SAE1: variants seen among roughly 807,000 people sequenced by gnomAD.
SAE1 encodes the protein SUMO-activating enzyme subunit 1.
In SAE1, 11 loss-of-function variants were observed where a neutral mutation model predicts 40.6. The observed-to-expected ratio is 0.27, with a 90% CI of 0.17 to 0.45. The LOEUF (loss-of-function observed/expected upper bound fraction) is 0.45. Ranked by LOEUF, SAE1 falls within the 20% of genes least tolerant of loss-of-function variation. SAE1 has a pLI of 1.00. For missense variants in SAE1, 373 were observed against 427.3 expected, an observed-to-expected ratio of 0.87 and a Z score of 1.12; for synonymous variants, 155 against 154.3, an observed-to-expected ratio of 1.00 and a Z score of -0.03.
chr19:47,202,729 T>G (rs1733606460), intron 7 of SAE1, among the ~76,000 whole-genome samples: 1 of 149,972 alleles, frequency 6.7e-6, no homozygotes, highest in Non-Finnish European at 1.5e-5. Context: ...CTGGCCAACA[T>G]GGTGAAACCC....
In SAE1 at chr19:47,135,019, T is replaced by A. The variant is rs112280226; in HGVS notation, c.98+3991T>A. Among the ~76,000 whole-genome samples, 1,080 of 152,106 alleles carry A rather than the reference T, an allele frequency of 7.1e-3. 10 individuals carry two copies. The highest frequency in any genetic ancestry group is 0.025 in the African/African-American group (1,043 of 41,472). Reference sequence around the variant, plus strand: ...GTTTTTTGTCCATTTTCAGCCGAGGTTTTTAGAAATTAAAAATTTTTTTGT... The same window carrying A: ...GTTTTTTGTCCATTTTCAGCCGAGGATTTTAGAAATTAAAAATTTTTTTGT... On this transcript the variant is annotated intron_variant, in intron 1 of 8. Coordinates refer to ENST00000270225, the MANE Select transcript of SAE1 (RefSeq NM_005500.3).
Position 47,203,880 on chromosome 19 carries a change from C to G in SAE1, c.948+140C>G, listed in dbSNP as rs1217318211. 5.3e-6 allele frequency: 4 copies of G among 750,218 alleles called. No individual in the cohort carries two copies. The East Asian group carries it at 1.1e-4, about 20-fold the overall frequency. 46.5% of individuals were successfully genotyped at this position (750,218 alleles called of 1,614,324 possible). On this transcript the variant is annotated intron_variant, in intron 8 of 8. Transcript: ENST00000270225. The stretch of plus-strand genomic sequence containing the variant: ...TGTTTCATGCCCTCCCCATTTCCAC[C>G]TCATCCCATTTTCTCTGGCCCATCC...
At chr19:47,147,201 T>TG in intron 2 of SAE1, among the ~76,000 whole-genome samples, 1 of 17,656 alleles carries the variant, frequency 5.7e-5, no homozygotes, top group South Asian at 1.0e-3. Context: ...GTGTATGGGT[T>TG]TTTTTTTTTT....
intron 2 of SAE1, among the ~76,000 whole-genome samples, chr19:47,148,128 C>A (rs1376136508): frequency 1.3e-5 from 2 of 152,044 alleles, no homozygotes; most frequent in African/African-American, 4.8e-5. Flanking sequence ...GAGGTTCACA[C>A]AGTTGTTGAG....
chr19:47,136,974 C>G (rs2058184383), intron 1 of SAE1, among the ~76,000 whole-genome samples: 1 of 152,094 alleles, frequency 6.6e-6, no homozygotes, highest in African/African-American at 2.4e-5. Context: ...GAAACAGAAG[C>G]CCTGGAAATG....
At chr19:47,138,224 A>G (rs1377053986) in intron 1 of SAE1, among the ~76,000 whole-genome samples, 1 of 151,686 alleles carries the variant, frequency 6.6e-6, no homozygotes, top group Non-Finnish European at 1.5e-5. Context: ...TTGTATTTTT[A>G]GTAGAGACCA....
intron 4 of SAE1, among the ~76,000 whole-genome samples, chr19:47,154,037 C>CA (rs1253584943): frequency 6.6e-6 from 1 of 151,826 alleles, no homozygotes; most frequent in Non-Finnish European, 1.5e-5. Flanking sequence ...GTGATCCACC[C>CA]ACCTCGGCCT....
chr19:47,148,688 C>T (rs2058268877), intron 2 of SAE1, among the ~76,000 whole-genome samples: 3 of 151,126 alleles, frequency 2.0e-5, no homozygotes, highest in Admixed American at 6.6e-5. Flanking sequence ...GACCTGGGCT[C>T]AATGCAGCGT....
intron 1 of SAE1, among the ~76,000 whole-genome samples, chr19:47,133,711 T>G (rs1247327466): frequency 6.6e-6 from 1 of 152,108 alleles, no homozygotes; most frequent in African/African-American, 2.4e-5. Flanking sequence ...GAACAGAATT[T>G]GGGGCAGAAG....
chr19:47,200,759 A>G (rs1348064168), intron 7 of SAE1, among the ~76,000 whole-genome samples: 1 of 152,170 alleles, frequency 6.6e-6, no homozygotes, highest in African/African-American at 2.4e-5. Context: ...TCATTTATAT[A>G]TTATCTGTGG....
chr19:47,179,007 C>T (rs1045961377), intron 6 of SAE1, among the ~76,000 whole-genome samples: 6 of 151,306 alleles, frequency 4.0e-5, no homozygotes, highest in African/African-American at 7.3e-5. Flanking sequence ...TCCTGGCTGA[C>T]ACGGTGAAAC....
At chr19:47,201,848 G>A (rs1009083241) in intron 7 of SAE1, among the ~76,000 whole-genome samples, 2 of 151,962 alleles carry the variant, frequency 1.3e-5, no homozygotes, top group African/African-American at 4.8e-5. Flanking sequence ...GGTCAAGCTG[G>A]TCTTGAACTC....
chr19:47,174,173 T>C (rs369243081), intron 6 of SAE1, among the ~76,000 whole-genome samples: 2 of 152,088 alleles, frequency 1.3e-5, no homozygotes, highest in East Asian at 3.8e-4. Context: ...TATCCTATCA[T>C]GTTTACCACT....
intron 1 of SAE1, among the ~76,000 whole-genome samples, chr19:47,140,635 A>AG (rs895921837): frequency 6.6e-6 from 1 of 151,552 alleles, no homozygotes; most frequent in African/African-American, 2.4e-5. Flanking sequence ...AAAAAAAAAA[A>AG]AAACCCATAA....
intron 6 of SAE1, among the ~76,000 whole-genome samples, chr19:47,182,518 C>T (rs2058516020): frequency 6.7e-6 from 1 of 149,640 alleles, no homozygotes; most frequent in African/African-American, 2.5e-5. Context: ...CGCGCGCGCG[C>T]ACACCACTGC....
chr19:47,154,008 C>T (rs1384503727), intron 4 of SAE1, among the ~76,000 whole-genome samples: 1 of 151,932 alleles, frequency 6.6e-6, no homozygotes, highest in African/African-American at 2.4e-5. Flanking sequence ...TCAGGCTGGT[C>T]TTGAACTCCG....
At chr19:47,200,234 CTTT>C (rs776221582) in intron 7 of SAE1, among the ~76,000 whole-genome samples, 3 of 135,730 alleles carry the variant, frequency 2.2e-5, no homozygotes, top group Non-Finnish European at 3.2e-5. Flanking sequence ...CGCCCAGCCT[CTTT>C]TTTTTTTTTT....
At chr19:47,144,567 C>T (rs560300595) in intron 2 of SAE1, among the ~76,000 whole-genome samples, 43 of 147,390 alleles carry the variant, frequency 2.9e-4, no homozygotes, top group African/African-American at 1.0e-3. Flanking sequence ...GGCTTGGTGG[C>T]GGGCGCCTGT....
chr19:47,143,576 A>C lies in SAE1; in HGVS notation c.181A>C (p.Lys61Gln), dbSNP rs1396499138. ...CAAGAATCTCATCTTGGCAGGAGTG[A>C]AAGGACTGACCATGCTGGATCACGA... ...IAKNLILAGV[K>Q]GLTMLDHEQV... The change falls in exon 2 of 9, where the codon AAA becomes CAA. Residue 61 changes from lysine (K) to glutamine (Q), a missense_variant. By Grantham distance (53) the Lys-to-Gln change is moderately conservative. Around this residue, in one of 3 missense-constraint regions of SAE1, gnomAD observed 351 missense variants for 390.6 expected, o/e 0.90. Transcript: ENST00000270225. The C allele has an allele frequency of 2.5e-6, 4 of 1,613,916 alleles. No homozygotes were observed. Among genetic ancestry groups the C allele is most frequent in the Non-Finnish European group, 3.4e-6 (4 of 1,179,930 alleles).
Sources: gnomAD v4.1 joint callset for allele counts (sites outside exome capture counted in the v4.1 genomes callset) on GRCh38, gnomAD v4.1.1 for gene constraint, gnomAD v4.1.1 regional missense constraint, MANE v1.5 for transcripts, NCBI Gene and HGNC (gene_info 2026-07-23, HGNC 2026-07-21) for gene names.